MACROD2: variants seen among roughly 807,000 people sequenced by gnomAD.
The protein encoded by MACROD2 is mono-ADP ribosylhydrolase 2, also known as ADP-ribose glycohydrolase MACROD2.
In MACROD2, 36 loss-of-function variants were observed where a neutral mutation model predicts 70.4. The observed-to-expected ratio is 0.51, with a 90% confidence interval of 0.39 to 0.68. The LOEUF (loss-of-function observed/expected upper bound fraction) is 0.68, where lower values mean the gene tolerates loss of function less well. Ranked by LOEUF, MACROD2 falls within the 30% of genes least tolerant of loss-of-function variation. The probability of loss-of-function intolerance (pLI) is 0.00; values close to 1 mark genes in which losing one functional copy is unlikely to be tolerated. For synonymous variants in MACROD2, 172 were observed against 178.8 expected (o/e 0.96, Z 0.30); for missense variants, 496 against 538.4 (o/e 0.92, Z 0.78).
In MACROD2 at chr20:15,868,753, G is replaced by GA. The variant is rs1354721200; in HGVS notation, c.727+5933dup. Among the ~76,000 whole-genome samples, 6 of 152,072 alleles carry GA rather than the reference G, an allele frequency of 3.9e-5. No homozygotes were observed. The East Asian group carries it at 1.2e-3, about 29-fold the overall frequency. ...ATTCACAATGAAATCACCTATGACTGAAAAAACTACCAACTACTATTTTTT... is the reference window on the plus strand; with the variant it reads ...ATTCACAATGAAATCACCTATGACTGAAAAAAACTACCAACTACTATTTTTT... On this transcript the variant is annotated intron_variant, in intron 9 of 17. Transcript: ENST00000684519.
chr20:15,635,626 C>A (rs181027274), intron 8 of MACROD2, among the ~76,000 whole-genome samples: 2 of 152,234 alleles, frequency 1.3e-5, no homozygotes, highest in East Asian at 3.9e-4. Flanking sequence ...GGTTAAAAAA[C>A]TATTGGGTAC....
chr20:15,611,224 G>A (rs77377746), intron 8 of MACROD2, among the ~76,000 whole-genome samples: 5,129 of 151,892 alleles, frequency 0.034, 131 homozygotes, highest in Non-Finnish European at 0.048. Context: ...AACCTTTAGG[G>A]TAGATAGCAA....
chr20:14,827,858 A>G (rs1232717824), intron 5 of MACROD2, among the ~76,000 whole-genome samples: 3 of 152,122 alleles, frequency 2.0e-5, no homozygotes, highest in Admixed American at 1.3e-4. Context: ...AATTCAAAAT[A>G]TATAACCATT....
chr20:15,215,843 G>A (rs1012331566), intron 5 of MACROD2, among the ~76,000 whole-genome samples: 13 of 151,938 alleles, frequency 8.6e-5, no homozygotes, highest in Admixed American at 1.3e-4. Context: ...AATGCATGAT[G>A]GAAAGGAAAC....
At chr20:14,946,321 A>G (rs1190855441) in intron 5 of MACROD2, among the ~76,000 whole-genome samples, 2 of 152,184 alleles carry the variant, frequency 1.3e-5, no homozygotes, top group Non-Finnish European at 2.9e-5. Flanking sequence ...TTTGTTGATC[A>G]CTATCTATCT....
chr20:15,768,653 C>T (rs1370420916), intron 8 of MACROD2, among the ~76,000 whole-genome samples: 1 of 152,154 alleles, frequency 6.6e-6, no homozygotes, highest in East Asian at 1.9e-4. Context: ...TACTGTAACA[C>T]ATTTTACTTT....
In MACROD2 at chr20:15,145,262, C is replaced by T. The variant is rs957615138; in HGVS notation, c.419-84678C>T. Among the ~76,000 whole-genome samples, 51 of 152,042 alleles carry T rather than the reference C, an allele frequency of 3.4e-4. 2 individuals are homozygous for T. Among genetic ancestry groups the T allele is most frequent in the Non-Finnish European group, 1.0e-4 (7 of 68,010 alleles). On this transcript the variant is annotated intron_variant, in intron 5 of 17. Transcript: ENST00000684519. The stretch of plus-strand genomic sequence containing the variant: ...GAAAGAAATACTCAAAAAATTATAG[C>T]CATAGATGTAAGTCTTTGGGATTTA...
At chr20:14,763,714 G>T (rs957864538) in intron 5 of MACROD2, among the ~76,000 whole-genome samples, 1 of 152,098 alleles carries the variant, frequency 6.6e-6, no homozygotes, top group Non-Finnish European at 1.5e-5. Flanking sequence ...GTGAGAAGGA[G>T]CAGGTTAAAA....
At position 14,436,361 on chromosome 20, in the gene MACROD2, C is replaced by T. The variant is rs1032992638; in HGVS notation, c.272-57118C>T. ...CAATGTACCTTCCATATCATGAAGC[C>T]GATTTCAAACTAACTTCTGTTTCAT... On this transcript the variant is annotated intron_variant, in intron 3 of 17. Transcript: ENST00000684519. 3.9e-5 allele frequency among the ~76,000 whole-genome samples: 6 copies of T among 152,106 alleles called. No individual in the cohort carries two copies. In the South Asian group the frequency reaches 8.3e-4, roughly 21 times the overall value.
intron 8 of MACROD2, among the ~76,000 whole-genome samples, chr20:15,824,041 G>T (rs1263859359): frequency 6.6e-6 from 1 of 152,158 alleles, no homozygotes; most frequent in Non-Finnish European, 1.5e-5. Flanking sequence ...TAGACCAGAG[G>T]GAGATCCAAT....
At chr20:14,822,828 T>C (rs984641268) in intron 5 of MACROD2, among the ~76,000 whole-genome samples, 1 of 152,120 alleles carries the variant, frequency 6.6e-6, no homozygotes, top group African/African-American at 2.4e-5. Context: ...CTCCCATCCA[T>C]GTCATTAGTG....
chr20:14,360,415 TA>T, intron 3 of MACROD2, among the ~76,000 whole-genome samples: 1 of 152,324 alleles, frequency 6.6e-6, no homozygotes, highest in African/African-American at 2.4e-5. Context: ...AATGTTTTTT[TA>T]AAGGCAAGAA....
intron 7 of MACROD2, among the ~76,000 whole-genome samples, chr20:15,475,737 G>A (rs193163282): frequency 2.4e-4 from 37 of 152,310 alleles, no homozygotes; most frequent in Admixed American, 7.2e-4. Context: ...ATGAGTCCTC[G>A]TCCAGATAGC....
intron 5 of MACROD2, among the ~76,000 whole-genome samples, chr20:15,134,172 T>C (rs1418608661): frequency 3.5e-5 from 5 of 143,502 alleles, no homozygotes; most frequent in African/African-American, 1.3e-4. Context: ...CCCAAAGTGC[T>C]GAGATTACAG....
At chr20:15,891,198 T>G (rs1460201129) in intron 10 of MACROD2, among the ~76,000 whole-genome samples, 2 of 152,118 alleles carry the variant, frequency 1.3e-5, no homozygotes, top group African/African-American at 2.4e-5. Flanking sequence ...GGAGCAGACA[T>G]ATGAATATGT....
chr20:15,683,304 C>T (rs1318163841), intron 8 of MACROD2, among the ~76,000 whole-genome samples: 2 of 152,186 alleles, frequency 1.3e-5, no homozygotes, highest in African/African-American at 4.8e-5. Context: ...AGCATTTAAG[C>T]TCCTTCTCTC....
chr20:15,676,532 A>G (rs1487088097), intron 8 of MACROD2, among the ~76,000 whole-genome samples: 2 of 152,210 alleles, frequency 1.3e-5, no homozygotes, highest in African/African-American at 4.8e-5. Context: ...TTTACTCAAC[A>G]TATCTTCCCT....
intron 5 of MACROD2, among the ~76,000 whole-genome samples, chr20:14,751,906 C>T (rs1191023133): frequency 1.3e-5 from 2 of 152,174 alleles, no homozygotes; most frequent in Admixed American, 6.5e-5. Flanking sequence ...AATAATCTTA[C>T]CTACCTTTGG....
At chr20:15,993,602 C>T (rs1028418343) in intron 15 of MACROD2, among the ~76,000 whole-genome samples, 1 of 152,004 alleles carries the variant, frequency 6.6e-6, no homozygotes, top group Non-Finnish European at 1.5e-5. Context: ...TGTATCTTCA[C>T]CTTAAGCAAT....
Sources: allele counts gnomAD v4.1 joint callset (sites outside exome capture counted in the v4.1 genomes callset), GRCh38; gene constraint gnomAD v4.1.1; transcripts MANE v1.5; gene names NCBI Gene and HGNC (gene_info 2026-07-23, HGNC 2026-07-21).